TMEM132D: variants seen among roughly 807,000 people sequenced by gnomAD.
The protein encoded by TMEM132D is mature OL transmembrane protein.
A neutral mutation model predicts 62.3 loss-of-function variants in TMEM132D; 21 were observed. The observed-to-expected ratio is 0.34, with a 90% CI of 0.24 to 0.49. TMEM132D has a LOEUF of 0.49. Among genes scored for constraint, TMEM132D ranks in the 20% least tolerant of loss-of-function variants. TMEM132D has a pLI of 0.99. For missense variants in TMEM132D, 1,346 were observed against 1,402.8 expected (o/e 0.96, Z 0.65); for synonymous variants, 621 against 575.6 (o/e 1.08, Z -1.13).
chr12:129,275,242 C>T (rs141006553), intron 4 of TMEM132D, among the ~76,000 whole-genome samples: 2 of 152,214 alleles, frequency 1.3e-5, no homozygotes, highest in East Asian at 1.9e-4. Flanking sequence ...GATTGCACCA[C>T]TGCACTACAG....
chr12:129,402,914 C>T (rs191803935), intron 3 of TMEM132D, among the ~76,000 whole-genome samples: 2 of 152,170 alleles, frequency 1.3e-5, no homozygotes, highest in East Asian at 3.9e-4. Flanking sequence ...GGGTGTTTCT[C>T]ACAGCACCCA....
intron 2 of TMEM132D, among the ~76,000 whole-genome samples, chr12:129,618,817 C>T (rs922533829): frequency 8.5e-5 from 13 of 152,070 alleles, no homozygotes; most frequent in African/African-American, 2.2e-4. Flanking sequence ...GTGCCCAAGG[C>T]GGTTGGGTAC....
chr12:129,441,625 T>C (rs1333892167), intron 3 of TMEM132D, among the ~76,000 whole-genome samples: 2 of 152,136 alleles, frequency 1.3e-5, no homozygotes, highest in Non-Finnish European at 2.9e-5. Context: ...GATCCAGCAA[T>C]CCCACTACTG....
intron 3 of TMEM132D, among the ~76,000 whole-genome samples, chr12:129,480,484 G>C (rs1377976373): frequency 3.3e-5 from 5 of 152,192 alleles, no homozygotes; most frequent in Non-Finnish European, 5.9e-5. Context: ...TGGTCATCCG[G>C]GTGAGTGATG....
Position 129,074,620 on chromosome 12 carries a change from C to T in TMEM132D, c.2555G>A (p.Gly852Glu), listed in dbSNP as rs748723631. The T allele has an allele frequency of 1.2e-6, 2 of 1,614,084 alleles. No individual in the cohort carries two copies. The highest frequency in any genetic ancestry group is 3.3e-5 in the Admixed American group (2 of 60,032). Residue 852 changes from glycine to glutamate, a missense_variant, in exon 9 of 9, where the codon GGA (glycine) becomes GAA (glutamate). Coordinates refer to ENST00000422113, the MANE Select transcript of TMEM132D (RefSeq NM_133448.3). ...YGSSSMGLME[G>E]RGTTTDRSIL... ...GGACCTGTCTGTCGTGGTGCCCCGT[C>T]CCTCCATGAGTCCCATAGAAGAACT... is the stretch of plus-strand genomic sequence containing the variant.
chr12:129,788,679 C>A (rs980615720), intron 1 of TMEM132D, among the ~76,000 whole-genome samples: 2 of 152,086 alleles, frequency 1.3e-5, no homozygotes, highest in Non-Finnish European at 2.9e-5. Flanking sequence ...ATGCAGTGAA[C>A]AAGCATTTTG....
chr12:129,625,713 A>G (rs1043525050), intron 2 of TMEM132D, among the ~76,000 whole-genome samples: 1 of 152,252 alleles, frequency 6.6e-6, no homozygotes, highest in African/African-American at 2.4e-5. Context: ...GAAGCCCTGC[A>G]CAGCACTTGC....
At chr12:129,376,658 G>T (rs1185152804) in intron 3 of TMEM132D, among the ~76,000 whole-genome samples, 3 of 152,210 alleles carry the variant, frequency 2.0e-5, no homozygotes, top group Non-Finnish European at 4.4e-5. Flanking sequence ...TCAGGGTAAA[G>T]GAGGTCATTA....
At chr12:129,342,019 C>T (rs1869506078) in intron 3 of TMEM132D, among the ~76,000 whole-genome samples, 2 of 152,174 alleles carry the variant, frequency 1.3e-5, no homozygotes, top group South Asian at 4.1e-4. Context: ...TTTACAGATT[C>T]AATGCCATCC....
intron 2 of TMEM132D, among the ~76,000 whole-genome samples, chr12:129,573,253 G>A (rs1877567936): frequency 6.6e-6 from 1 of 152,194 alleles, no homozygotes; most frequent in African/African-American, 2.4e-5. Context: ...AATGAGCAGA[G>A]GGCGCTGGAG....
intron 2 of TMEM132D, among the ~76,000 whole-genome samples, chr12:129,687,817 G>T (rs1880969223): frequency 6.6e-6 from 1 of 152,138 alleles, no homozygotes; most frequent in African/African-American, 2.4e-5. Context: ...CCAAGAGCCT[G>T]CCAGTTGGCC....
intron 3 of TMEM132D, 68 bp downstream of exon 3, chr12:129,530,991 A>AG: frequency 4.7e-6 from 4 of 846,510 alleles, no homozygotes; most frequent in Non-Finnish European, 5.9e-6. Context: ...GCAATCTAGG[A>AG]AAAAAAAAAA....
chr12:129,858,962 G>T (rs1267865698), intron 1 of TMEM132D, among the ~76,000 whole-genome samples: 1 of 120,622 alleles, frequency 8.3e-6, no homozygotes, highest in Non-Finnish European at 1.8e-5. Flanking sequence ...TGCCCTTGGA[G>T]TCCGGGGGAA....
Position 129,339,452 on chromosome 12 carries a change from G to A in TMEM132D, c.1116-1635C>T, listed in dbSNP as rs1332209977. ...CTGTGAGTAATGAAGGGGAAAAGAC[G>A]ACAGCTGGTTTTTGAATCCTACAAA... is the stretch of plus-strand genomic sequence containing the variant. On this transcript the variant is annotated intron_variant, in intron 3 of 8. Coordinates refer to ENST00000422113, the MANE Select transcript of TMEM132D (RefSeq NM_133448.3). Among the ~76,000 whole-genome samples, 5 of 117,036 alleles carry A rather than the reference G, an allele frequency of 4.3e-5. No homozygotes were observed. In the East Asian group the frequency reaches 8.2e-4, roughly 19 times the overall value. The allele number at this position is 117,036 out of a possible 152,430, so 76.8% of individuals were successfully genotyped here.
chr12:129,119,766 G>A (rs1417662081), intron 5 of TMEM132D, among the ~76,000 whole-genome samples: 1 of 152,158 alleles, frequency 6.6e-6, no homozygotes, highest in Non-Finnish European at 1.5e-5. Context: ...TGAATGGTAG[G>A]GATGAAGTTT....
chr12:129,481,418 C>A (rs1366871736), intron 3 of TMEM132D, among the ~76,000 whole-genome samples: 1 of 149,596 alleles, frequency 6.7e-6, no homozygotes, highest in African/African-American at 2.5e-5. Flanking sequence ...GGTTATGATA[C>A]CACCACTGCA....
chr12:129,900,534 T>C (rs1469399007), intron 1 of TMEM132D, among the ~76,000 whole-genome samples: 1 of 152,216 alleles, frequency 6.6e-6, no homozygotes, highest in Non-Finnish European at 1.5e-5. Flanking sequence ...CCTACCAGCA[T>C]GTGCAAGGGA....
intron 5 of TMEM132D, among the ~76,000 whole-genome samples, chr12:129,193,647 T>C (rs959280508): frequency 6.6e-6 from 1 of 152,268 alleles, no homozygotes. Flanking sequence ...AAGGATATAA[T>C]ACTTTATATC....
At chr12:129,161,338 A>G (rs906081895) in intron 5 of TMEM132D, among the ~76,000 whole-genome samples, 2 of 152,228 alleles carry the variant, frequency 1.3e-5, no homozygotes, top group Non-Finnish European at 2.9e-5. Flanking sequence ...TATTTAACTG[A>G]ACATCTCAGA....
Sources: allele counts gnomAD v4.1 joint callset (sites outside exome capture counted in the v4.1 genomes callset), GRCh38; gene constraint gnomAD v4.1.1; transcripts MANE v1.5; gene names NCBI Gene and HGNC (gene_info 2026-07-23, HGNC 2026-07-21).